LYPD6B: variants seen among roughly 807,000 people sequenced by gnomAD.
LYPD6B encodes LY6/PLAUR domain containing 6B, also known as ly6/PLAUR domain-containing protein 6B.
LYPD6B carries 17 observed loss-of-function variants against 22.8 expected under a neutral mutation model. The ratio of observed to expected loss-of-function variants is 0.75; its 90% confidence interval spans 0.51 to 1.12. The LOEUF (loss-of-function observed/expected upper bound fraction) is 1.12, where lower values mean the gene tolerates loss of function less well. Ranked by LOEUF, LYPD6B falls within the 50% of genes most tolerant of loss-of-function variation. The pLI, the probability that LYPD6B is intolerant of heterozygous loss-of-function variation, is 0.00. For missense variants in LYPD6B, 221 were observed against 258.3 expected, an observed-to-expected ratio of 0.86 and a Z score of 0.99; for synonymous variants, 106 against 91.6, an observed-to-expected ratio of 1.16 and a Z score of -0.90.
chr2:149,214,801 T>C lies in LYPD6B; in HGVS notation c.*91T>C. On this transcript the variant is annotated 3_prime_UTR_variant, in exon 7 of 7. Transcript: ENST00000409642. ...TGAACTTTGGAGTGAAGATCAATCT[T>C]GCACTTGGTGAAGAGTGCACATTGG... The C allele has an allele frequency of 7.3e-7, 1 of 1,378,418 alleles. No homozygotes were observed. The allele number at this position is 1,378,418 out of a possible 1,614,324, so 85.4% of individuals were successfully genotyped here.
intron 3 of LYPD6B, among the ~76,000 whole-genome samples, chr2:149,176,224 A>G (rs1691295362): frequency 6.6e-6 from 1 of 152,194 alleles, no homozygotes; most frequent in African/African-American, 2.4e-5. Context: ...TTGTAGGACC[A>G]CTGTTGTGTA....
chr2:149,039,393 G>A (rs1245898131), intron 1 of LYPD6B, among the ~76,000 whole-genome samples: 5 of 152,230 alleles, frequency 3.3e-5, no homozygotes, highest in Non-Finnish European at 5.9e-5. Context: ...ACTCCAGGGG[G>A]CTTGGGTTGT....
At chr2:149,203,505 A>G (rs1275757766) in intron 3 of LYPD6B, among the ~76,000 whole-genome samples, 1 of 152,192 alleles carries the variant, frequency 6.6e-6, no homozygotes, top group African/African-American at 2.4e-5. Context: ...TGTAAGGGAT[A>G]ATATTATTTG....
At chr2:149,046,723 AG>A (rs1683322571) in intron 1 of LYPD6B, among the ~76,000 whole-genome samples, 1 of 151,988 alleles carries the variant, frequency 6.6e-6, no homozygotes, top group Admixed American at 6.6e-5. Flanking sequence ...AATTAATTAG[AG>A]TCTACTTTCA....
At chr2:149,188,303 C>G (rs975919203) in intron 3 of LYPD6B, among the ~76,000 whole-genome samples, 1 of 152,116 alleles carries the variant, frequency 6.6e-6, no homozygotes, top group African/African-American at 2.4e-5. Flanking sequence ...TAATTGGAGG[C>G]CTTGTTTTTT....
chr2:149,059,017 C>T (rs1683942055), intron 1 of LYPD6B, among the ~76,000 whole-genome samples: 1 of 152,206 alleles, frequency 6.6e-6, no homozygotes, highest in East Asian at 1.9e-4. Context: ...TTGAGGGCAG[C>T]CACGGTCTCC....
At chr2:149,121,311 G>A (rs1213734652) in intron 1 of LYPD6B, among the ~76,000 whole-genome samples, 1 of 152,094 alleles carries the variant, frequency 6.6e-6, no homozygotes, top group Non-Finnish European at 1.5e-5. Context: ...GGTCCAGTTC[G>A]CTTTTGTTTT....
At position 149,087,285 on chromosome 2, in the gene LYPD6B, G is replaced by A. The variant is rs1443486171; in HGVS notation, c.-66-43598G>A. Reference sequence around the variant, plus strand: ...CAGAAATAAGAAGAGCAATCGTAAAGTTAAGGAGTCATCTATAATAATTGA... The same window carrying A: ...CAGAAATAAGAAGAGCAATCGTAAAATTAAGGAGTCATCTATAATAATTGA... On this transcript the variant is annotated intron_variant, in intron 1 of 6. Coordinates refer to ENST00000409642, the MANE Select transcript of LYPD6B (RefSeq NM_177964.5). 3.3e-5 allele frequency among the ~76,000 whole-genome samples: 5 copies of A among 152,156 alleles called. No individual in the cohort carries two copies. The South Asian group carries it at 1.0e-3, about 32-fold the overall frequency.
chr2:149,198,905 T>C (rs1350046873), intron 3 of LYPD6B, among the ~76,000 whole-genome samples: 1 of 152,220 alleles, frequency 6.6e-6, no homozygotes, highest in Admixed American at 6.5e-5. Context: ...TACAGAATAT[T>C]AGAAGTGGAA....
At chr2:149,180,222 A>G (rs1364887838) in intron 3 of LYPD6B, among the ~76,000 whole-genome samples, 1 of 152,224 alleles carries the variant, frequency 6.6e-6, no homozygotes, top group Non-Finnish European at 1.5e-5. Flanking sequence ...ATACAAAAAG[A>G]CAGATTTACT....
chr2:149,142,825 A>AT (rs1265226022), intron 2 of LYPD6B, among the ~76,000 whole-genome samples: 2 of 152,068 alleles, frequency 1.3e-5, no homozygotes, highest in Non-Finnish European at 2.9e-5. Flanking sequence ...TGAACTAAGT[A>AT]TTTTTTTAAT....
intron 2 of LYPD6B, among the ~76,000 whole-genome samples, chr2:149,148,873 A>T (rs999826400): frequency 6.6e-6 from 1 of 152,192 alleles, no homozygotes; most frequent in African/African-American, 2.4e-5. Context: ...CAAGTGTTTT[A>T]CAGACTTCTA....
intron 2 of LYPD6B, among the ~76,000 whole-genome samples, chr2:149,151,059 G>T (rs1159308447): frequency 3.3e-5 from 5 of 151,878 alleles, no homozygotes; most frequent in Non-Finnish European, 5.9e-5. Flanking sequence ...ATTCCTTATT[G>T]TCTCTGAGGT....
chr2:149,154,892 TACTC>T (rs578039918), intron 2 of LYPD6B, among the ~76,000 whole-genome samples: 73 of 152,266 alleles, frequency 4.8e-4, no homozygotes, highest in African/African-American at 1.8e-3. Context: ...ACTCGCGAAA[TACTC>T]ACAATCCAAT....
rs969265542 is a variant in LYPD6B, at chr2:149,123,011, A to G, written c.-66-7872A>G. Among the ~76,000 whole-genome samples the G allele has an allele frequency of 2.6e-5, 4 of 152,232 alleles. No homozygotes were observed. In the East Asian group the frequency reaches 7.7e-4, roughly 29 times the overall value. On this transcript the variant is annotated intron_variant, in intron 1 of 6. Transcript: ENST00000409642. The stretch of plus-strand genomic sequence containing the variant: ...CTTAAGAAAAAATCACGGTAGATTT[A>G]GTTTGATCCCAGAGCACTGTTTACA...
chr2:149,186,727 C>T (rs565205187), intron 3 of LYPD6B, among the ~76,000 whole-genome samples: 1 of 152,260 alleles, frequency 6.6e-6, no homozygotes, highest in East Asian at 1.9e-4. Context: ...GCCTCAGCCT[C>T]CTGAGTAGCT....
At chr2:149,193,535 T>C (rs1692625518) in intron 3 of LYPD6B, among the ~76,000 whole-genome samples, 1 of 151,918 alleles carries the variant, frequency 6.6e-6, no homozygotes, top group Non-Finnish European at 1.5e-5. Flanking sequence ...GAAGAGGAAA[T>C]AAAATTGATT....
chr2:149,165,766 G>T (rs1690377570), intron 3 of LYPD6B, among the ~76,000 whole-genome samples: 1 of 152,180 alleles, frequency 6.6e-6, no homozygotes, highest in Admixed American at 6.5e-5. Flanking sequence ...TTCAGAGTCT[G>T]CATGTTAACC....
At chr2:149,155,439 G>A (rs1689635728) in intron 2 of LYPD6B, among the ~76,000 whole-genome samples, 1 of 152,214 alleles carries the variant, frequency 6.6e-6, no homozygotes, top group South Asian at 2.1e-4. Context: ...AGAACTCCCA[G>A]CCCATCACTG....
Sources: gnomAD v4.1 joint callset for allele counts (sites outside exome capture counted in the v4.1 genomes callset) on GRCh38, gnomAD v4.1.1 for gene constraint, MANE v1.5 for transcripts, NCBI Gene and HGNC (gene_info 2026-07-23, HGNC 2026-07-21) for gene names.